Variants in DLGAP2 observed in about 807,000 individuals in gnomAD.
The protein encoded by DLGAP2 is DLG associated protein 2, also known as disks large-associated protein 2.
A neutral mutation model predicts 100.3 loss-of-function variants in DLGAP2; 26 were observed. The ratio of observed to expected loss-of-function variants is 0.26; its 90% CI spans 0.19 to 0.36. The LOEUF (loss-of-function observed/expected upper bound fraction) is 0.36. DLGAP2 is among the 10% of genes least tolerant of loss of function. DLGAP2 has a pLI of 1.00. For missense variants in DLGAP2, 1,858 were observed against 1,453.2 expected (o/e 1.28, Z -4.53); for synonymous variants, 886 against 630.1 (o/e 1.41, Z -6.08).
At chr8:760,345 C>G (rs1269995582) in intron 1 of DLGAP2, among the ~76,000 whole-genome samples, 3 of 152,178 alleles carry the variant, frequency 2.0e-5, no homozygotes, top group Non-Finnish European at 4.4e-5. Flanking sequence ...CCTGTCCTTT[C>G]TAACCCTTTC....
chr8:1,422,394 C>G (rs751043097), intron 3 of DLGAP2, among the ~76,000 whole-genome samples: 1 of 152,068 alleles, frequency 6.6e-6, no homozygotes, highest in Non-Finnish European at 1.5e-5. Flanking sequence ...CTTAATGACA[C>G]GCTTGTGTAT....
chr8:1,042,411 C>T (rs1802379613), intron 2 of DLGAP2, among the ~76,000 whole-genome samples: 1 of 152,220 alleles, frequency 6.6e-6, no homozygotes, highest in African/African-American at 2.4e-5. Flanking sequence ...GATTTAACAT[C>T]TGACCTTGAA....
chr8:955,204 A>C (rs1054376045), intron 2 of DLGAP2, among the ~76,000 whole-genome samples: 2 of 152,058 alleles, frequency 1.3e-5, no homozygotes, highest in African/African-American at 4.8e-5. Flanking sequence ...TTGCTTCCCG[A>C]AGACTGCGAG....
At chr8:1,382,026 G>C (rs927916423) in intron 3 of DLGAP2, among the ~76,000 whole-genome samples, 6 of 151,990 alleles carry the variant, frequency 3.9e-5, no homozygotes, top group Admixed American at 1.3e-4. Context: ...TCATAAAAAA[G>C]CAGGGCTTAG....
At chr8:1,292,521 T>C (rs191250845) in intron 3 of DLGAP2, among the ~76,000 whole-genome samples, 288 of 152,356 alleles carry the variant, frequency 1.9e-3, no homozygotes, top group African/African-American at 6.6e-3. Flanking sequence ...AAAATTTTGA[T>C]CTGTTCATTT....
intron 3 of DLGAP2, among the ~76,000 whole-genome samples, chr8:1,281,401 C>A (rs1456766076): frequency 6.6e-6 from 1 of 152,168 alleles, no homozygotes; most frequent in African/African-American, 2.4e-5. Context: ...CCCTTAGGCG[C>A]CCCCAGTGGC....
chr8:756,961 G>A (rs978309174), intron 1 of DLGAP2, among the ~76,000 whole-genome samples: 1 of 152,142 alleles, frequency 6.6e-6, no homozygotes, highest in Admixed American at 6.5e-5. Context: ...TCTGCAAAAT[G>A]TCCTCTTTCC....
chr8:1,583,774 G>T (rs756782574), intron 6 of DLGAP2, among the ~76,000 whole-genome samples: 1 of 152,078 alleles, frequency 6.6e-6, no homozygotes. Flanking sequence ...CTGATCTCAC[G>T]TCTCAGCTTT....
At position 905,862 on chromosome 8, in the gene DLGAP2, C is replaced by T. The variant is rs113790375; in HGVS notation, c.19-2050C>T. On this transcript the variant is annotated intron_variant, in intron 1 of 14. Coordinates refer to ENST00000637795, the MANE Select transcript of DLGAP2 (RefSeq NM_001346810.2). ...CACATGCATGTCTTGTGACCTCTCG[C>T]GGCCCTTTCCAATACTGTCGCCACT... 7.1e-3 allele frequency among the ~76,000 whole-genome samples: 1,069 copies of T among 150,272 alleles called. 19 individuals are homozygous for T. Among genetic ancestry groups the T allele is most frequent in the African/African-American group, 0.024 (998 of 41,078 alleles).
intron 12 of DLGAP2, among the ~76,000 whole-genome samples, chr8:1,679,979 C>CAAAAAAAAA (rs760100523): frequency 3.1e-5 from 2 of 63,514 alleles, no homozygotes; most frequent in African/African-American, 5.9e-5. Flanking sequence ...GACTCTGTCT[C>CAAAAAAAAA]AAAAAAAAAA....
At chr8:1,013,041 C>T (rs1200016250) in intron 2 of DLGAP2, among the ~76,000 whole-genome samples, 1 of 152,170 alleles carries the variant, frequency 6.6e-6, no homozygotes, top group Non-Finnish European at 1.5e-5. Flanking sequence ...CTGCAGCTCA[C>T]AGATGCTGGG....
At chr8:1,184,498 G>C (rs912805396) in intron 2 of DLGAP2, among the ~76,000 whole-genome samples, 18 of 152,196 alleles carry the variant, frequency 1.2e-4, no homozygotes, top group African/African-American at 3.6e-4. Context: ...TGGGTACCCG[G>C]GGTGCACGCG....
chr8:1,188,935 C>T (rs1756657386), intron 2 of DLGAP2, among the ~76,000 whole-genome samples: 1 of 152,102 alleles, frequency 6.6e-6, no homozygotes, highest in Admixed American at 6.5e-5. Flanking sequence ...GTGCGGCTTC[C>T]AGGCCGGTTC....
chr8:1,163,242 A>T (rs887369278), intron 2 of DLGAP2, among the ~76,000 whole-genome samples: 1 of 152,134 alleles, frequency 6.6e-6, no homozygotes, highest in East Asian at 1.9e-4. Flanking sequence ...CCTCCTCCCA[A>T]TCGCCTCCCT....
intron 3 of DLGAP2, among the ~76,000 whole-genome samples, chr8:1,275,715 C>CAT (rs34634474): frequency 0.49 from 62,100 of 127,962 alleles, 15,886 homozygotes; most frequent in South Asian, 0.64. Context: ...GCTAATAGGA[C>CAT]ATATATATAT....
intron 2 of DLGAP2, among the ~76,000 whole-genome samples, chr8:1,009,747 C>G (rs1563141968): frequency 1.3e-5 from 2 of 152,244 alleles, no homozygotes; most frequent in East Asian, 1.9e-4. Flanking sequence ...TGGGCCACCT[C>G]TCATTTGTCT....
intron 2 of DLGAP2, among the ~76,000 whole-genome samples, chr8:959,294 C>G (rs1390319791): frequency 6.6e-6 from 1 of 152,168 alleles, no homozygotes; most frequent in African/African-American, 2.4e-5. Flanking sequence ...AAGGAGGTCT[C>G]AAGTGCATTT....
At chr8:1,333,478 G>T (rs1204483705) in intron 3 of DLGAP2, among the ~76,000 whole-genome samples, 2 of 152,116 alleles carry the variant, frequency 1.3e-5, no homozygotes, top group Non-Finnish European at 2.9e-5. Context: ...TCTAAATAGC[G>T]ATGTTTTGTG....
chr8:1,310,035 G>C (rs1488365838), intron 3 of DLGAP2, among the ~76,000 whole-genome samples: 1 of 147,192 alleles, frequency 6.8e-6, no homozygotes, highest in Non-Finnish European at 1.5e-5. Context: ...TACCAGCCTG[G>C]GCTACAGGGC....
Sources: gnomAD v4.1 joint callset for allele counts (sites outside exome capture counted in the v4.1 genomes callset) on GRCh38, gnomAD v4.1.1 for gene constraint, MANE v1.5 for transcripts, NCBI Gene and HGNC (gene_info 2026-07-23, HGNC 2026-07-21) for gene names.